NUP93: variants seen among roughly 807,000 people sequenced by gnomAD.
NUP93 encodes the protein nuclear pore complex protein Nup93.
Under a neutral mutation model 107.8 loss-of-function variants are expected in NUP93, and 55 were observed. The ratio of observed to expected loss-of-function variants is 0.51; its 90% CI spans 0.41 to 0.64. The LOEUF (loss-of-function observed/expected upper bound fraction) is 0.64. NUP93 is among the 30% of genes least tolerant of loss of function. The pLI is 0.00. For synonymous variants in NUP93, 390 were observed against 397.5 expected, an observed-to-expected ratio of 0.98 and a Z score of 0.22; for missense variants, 937 against 1,044.7, an observed-to-expected ratio of 0.90 and a Z score of 1.42.
intron 3 of NUP93, among the ~76,000 whole-genome samples, chr16:56,781,143 A>G (rs1011672104): frequency 6.6e-6 from 1 of 152,182 alleles, no homozygotes; most frequent in East Asian, 1.9e-4. Context: ...CTTACACATC[A>G]TATATTTTCC....
intron 5 of NUP93, among the ~76,000 whole-genome samples, chr16:56,808,601 CAT>C (rs1447147767): frequency 7.9e-6 from 1 of 126,194 alleles, no homozygotes; most frequent in South Asian, 2.3e-4. Context: ...TATATAAATA[CAT>C]TTATATAAAT....
chr16:56,812,088 G>A (rs1026800502), intron 5 of NUP93, among the ~76,000 whole-genome samples: 1 of 152,126 alleles, frequency 6.6e-6, no homozygotes, highest in Admixed American at 6.5e-5. Context: ...GAATAAGGTC[G>A]TTGGAATACA....
chr16:56,816,454 C>T (rs1963434880), intron 5 of NUP93, among the ~76,000 whole-genome samples: 1 of 152,216 alleles, frequency 6.6e-6, no homozygotes, highest in African/African-American at 2.4e-5. Flanking sequence ...AGGGACCCAA[C>T]ACCTTTCTGT....
rs773374839 is a variant in NUP93 at position 56,818,748 on chromosome 16, A to AT, written c.564+14dup. 3.2e-5 allele frequency: 52 copies of AT among 1,611,746 alleles called. No individual in the cohort carries two copies. The highest frequency in any genetic ancestry group is 1.8e-4 in the Admixed American group (11 of 59,908). On this transcript the variant is annotated intron_variant, in intron 6 of 21. Coordinates refer to ENST00000308159, the MANE Select transcript of NUP93 (RefSeq NM_014669.5). Reference sequence around the variant, plus strand: ...GGCCTATGCGCGGCAAGTGAGTGTGATTTTAAGGGGGATTAAGCCAGGAAA... The same window carrying AT: ...GGCCTATGCGCGGCAAGTGAGTGTGATTTTTAAGGGGGATTAAGCCAGGAAA...
chr16:56,736,265 G>A (rs532064724), intron 1 of NUP93, among the ~76,000 whole-genome samples: 1 of 152,288 alleles, frequency 6.6e-6, no homozygotes, highest in East Asian at 1.9e-4. Context: ...ACCGGGAGGT[G>A]GAGGTTGCAG....
At chr16:56,813,309 A>G (rs193203058) in intron 5 of NUP93, among the ~76,000 whole-genome samples, 157 of 152,336 alleles carry the variant, frequency 1.0e-3, no homozygotes, top group African/African-American at 3.6e-3. Flanking sequence ...GCATTTTAAA[A>G]TTTCTTATTG....
chr16:56,744,384 T>C (rs1961788040), intron 1 of NUP93, among the ~76,000 whole-genome samples: 1 of 152,222 alleles, frequency 6.6e-6, no homozygotes, highest in Non-Finnish European at 1.5e-5. Flanking sequence ...GTCCTAAATT[T>C]ATGAAATTAG....
In NUP93 at chr16:56,841,721, C is replaced by G. The variant is rs751390416; in HGVS notation, c.2237C>G (p.Ser746Ter). 25 of 1,614,080 alleles carry G rather than the reference C, an allele frequency of 1.5e-5. No homozygotes were observed. Among genetic ancestry groups the G allele is most frequent in the Non-Finnish European group, 2.0e-5 (24 of 1,180,024 alleles). Reference protein sequence around the residue: ...NFSDEIRHNLSEVLLATMNIL... With the variant: ...NFSDEIRHNL Reference sequence around the variant, plus strand: ...TCTATGTAGATCAGGCACAACCTCTCAGAAGTGCTTCTTGCCACCATGAAC... The same window carrying G: ...TCTATGTAGATCAGGCACAACCTCTGAGAAGTGCTTCTTGCCACCATGAAC... Residue 746 changes from serine to a stop codon, truncating the protein, a stop_gained, in exon 21 of 22, where the codon TCA becomes TGA. Coordinates refer to ENST00000308159, the MANE Select transcript of NUP93 (RefSeq NM_014669.5). LOFTEE classifies it high-confidence loss of function.
In NUP93 at chr16:56,840,179, C is replaced by T. The variant is rs144988939; in HGVS notation, c.2220+575C>T. 7.6e-3 allele frequency among the ~76,000 whole-genome samples: 1,162 copies of T among 152,246 alleles called. 17 individuals are homozygous for T. The highest frequency in any genetic ancestry group is 0.026 in the African/African-American group (1,100 of 41,526). On this transcript the variant is annotated intron_variant, in intron 20 of 21. Transcript: ENST00000308159. ...GGGACTACAGGTGCCCGCCAACACG[C>T]CCAGCTAATTTTTTGTATATTTAGT...
At chr16:56,832,055 G>T in intron 11 of NUP93, 48 bp downstream of exon 11, 1 of 1,604,072 alleles carries the variant, frequency 6.2e-7, no homozygotes, top group African/African-American at 1.3e-5. Flanking sequence ...CCTTTTCTGT[G>T]CTCAAGTCCC....
intron 4 of NUP93, among the ~76,000 whole-genome samples, chr16:56,805,201 G>T (rs1421717151): frequency 6.6e-6 from 1 of 152,082 alleles, no homozygotes; most frequent in Non-Finnish European, 1.5e-5. Flanking sequence ...GGGACTACAG[G>T]TGTACACCAC....
At chr16:56,750,844 T>C (rs981584429) in intron 2 of NUP93, among the ~76,000 whole-genome samples, 2 of 152,186 alleles carry the variant, frequency 1.3e-5, no homozygotes, top group East Asian at 1.9e-4. Context: ...TGAATACCCA[T>C]GTGCACATTT....
chr16:56,829,953 G>A (rs571454551), intron 9 of NUP93, among the ~76,000 whole-genome samples: 2 of 152,228 alleles, frequency 1.3e-5, no homozygotes, highest in African/African-American at 2.4e-5. Flanking sequence ...AGCGCAGGCC[G>A]CTGTGCAGAC....
intron 1 of NUP93, among the ~76,000 whole-genome samples, chr16:56,739,986 C>T (rs1297127625): frequency 1.6e-4 from 16 of 100,560 alleles, no homozygotes; most frequent in South Asian, 3.9e-4. Context: ...GGCGGCTGGC[C>T]GGGCAGAGGG....
chr16:56,762,861 C>T (rs1430697208), intron 3 of NUP93, among the ~76,000 whole-genome samples: 1 of 152,170 alleles, frequency 6.6e-6, no homozygotes, highest in Non-Finnish European at 1.5e-5. Context: ...TCTTCGGTCT[C>T]TTCCTCCATC....
At chr16:56,813,063 C>A (rs1258667252) in intron 5 of NUP93, among the ~76,000 whole-genome samples, 1 of 152,140 alleles carries the variant, frequency 6.6e-6, no homozygotes. Flanking sequence ...AATGTATTGT[C>A]TGGAACATGA....
chr16:56,821,287 C>A (rs148663426), intron 6 of NUP93, among the ~76,000 whole-genome samples: 8 of 152,228 alleles, frequency 5.3e-5, no homozygotes, highest in Admixed American at 2.0e-4. Flanking sequence ...CCCCGCTGCT[C>A]CCGTTCCTCA....
intron 1 of NUP93, among the ~76,000 whole-genome samples, chr16:56,735,143 G>A (rs1203203196): frequency 6.6e-6 from 1 of 152,240 alleles, no homozygotes. Flanking sequence ...TAGGTAATGT[G>A]TATTGAGGAA....
intron 3 of NUP93, 67 bp from the exon 4 acceptor site, chr16:56,798,409 C>A: frequency 7.5e-7 from 1 of 1,328,614 alleles, no homozygotes; most frequent in Non-Finnish European, 1.1e-6. Flanking sequence ...TTATTGTTTG[C>A]CCTGCAGTAT....
Sources: allele counts gnomAD v4.1 joint callset (sites outside exome capture counted in the v4.1 genomes callset), GRCh38; gene constraint gnomAD v4.1.1; transcripts MANE v1.5; gene names NCBI Gene and HGNC (gene_info 2026-07-23, HGNC 2026-07-21).